DSCAM: variants seen among roughly 807,000 people sequenced by gnomAD.
DSCAM encodes cell adhesion molecule DSCAM.
Under a neutral mutation model 217.7 loss-of-function variants are expected in DSCAM, and 47 were observed. The ratio of observed to expected loss-of-function variants is 0.22; its 90% CI spans 0.17 to 0.28. DSCAM has a LOEUF of 0.28. Among genes scored for constraint, DSCAM ranks in the 10% least tolerant of loss-of-function variants. The pLI, the probability that DSCAM is intolerant of heterozygous loss-of-function variation, is 1.00. For missense variants in DSCAM, 2,080 were observed against 2,618.3 expected (o/e 0.79, Z 4.49); for synonymous variants, 1,056 against 1,015.3 (o/e 1.04, Z -0.76).
intron 32 of DSCAM, among the ~76,000 whole-genome samples, chr21:40,028,497 C>T (rs1015847222): frequency 6.6e-5 from 10 of 151,778 alleles, no homozygotes; most frequent in East Asian, 3.9e-4. Flanking sequence ...TAGCAATCAG[C>T]GAGACTCCAT....
chr21:40,504,009 A>G (rs1278343674), intron 3 of DSCAM, among the ~76,000 whole-genome samples: 1 of 152,198 alleles, frequency 6.6e-6, no homozygotes, highest in Non-Finnish European at 1.5e-5. Flanking sequence ...GGATATTTCA[A>G]AAGAGCACCA....
At chr21:40,457,473 C>T (rs1037984918) in intron 3 of DSCAM, among the ~76,000 whole-genome samples, 1 of 151,914 alleles carries the variant, frequency 6.6e-6, no homozygotes, top group Non-Finnish European at 1.5e-5. Flanking sequence ...AGTTGCACCA[C>T]GGCACCCCAG....
In DSCAM at chr21:40,042,439, G is replaced by C. The variant is rs2146477397; in HGVS notation, c.5618C>G (p.Ala1873Gly). The C allele has an allele frequency of 6.2e-7, 1 of 1,614,234 alleles. No individual in the cohort carries two copies. The highest frequency in any genetic ancestry group is 2.2e-5 in the East Asian group (1 of 44,868). ...TCCATCCTGAGGTTTGGGGGGAGAT[G>C]CAGTGAACCTGCAGATTCCCGATTC... ...PSESGICRFT[A>G]SPPKPQDGGR... Residue 1873 changes from alanine to glycine, a missense_variant, in exon 32 of 33, where the codon GCA becomes GGA. Ala to Gly is a moderately conservative substitution (Grantham distance 60). Transcript: ENST00000400454.
intron 11 of DSCAM, among the ~76,000 whole-genome samples, chr21:40,215,955 AC>A (rs1384623589): frequency 1.8e-4 from 27 of 145,976 alleles, no homozygotes; most frequent in Admixed American, 5.5e-4. Context: ...AAAAAAAAAA[AC>A]AACTTTGGTA....
At chr21:40,526,046 T>G (rs367685392) in intron 3 of DSCAM, among the ~76,000 whole-genome samples, 13 of 152,264 alleles carry the variant, frequency 8.5e-5, no homozygotes, top group African/African-American at 2.6e-4. Flanking sequence ...CTTCTTTTCT[T>G]TCCCATGTCC....
intron 18 of DSCAM, among the ~76,000 whole-genome samples, chr21:40,136,181 G>T (rs1410155908): frequency 6.6e-6 from 1 of 152,242 alleles, no homozygotes; most frequent in Non-Finnish European, 1.5e-5. Flanking sequence ...AGCATGTGTG[G>T]TCACCAGGTA....
chr21:40,039,408 A>G lies in DSCAM; in HGVS notation c.5686+2963T>C, dbSNP rs1414413267. On this transcript the variant is annotated intron_variant, in intron 32 of 32. Coordinates refer to ENST00000400454, the MANE Select transcript of DSCAM (RefSeq NM_001389.5). ...TTGTATTTATTTGACTATAATTTCT[A>G]TTAATTGAAATATTTTAACCAATTT... 3.9e-5 allele frequency among the ~76,000 whole-genome samples: 6 copies of G among 151,966 alleles called. 1 individual carries two copies. The highest frequency in any genetic ancestry group is 8.8e-5 in the Non-Finnish European group (6 of 67,914).
intron 3 of DSCAM, among the ~76,000 whole-genome samples, chr21:40,687,425 G>A (rs1458916384): frequency 6.6e-6 from 1 of 152,134 alleles, no homozygotes; most frequent in Non-Finnish European, 1.5e-5. Flanking sequence ...AAAATGCTCA[G>A]TGAGGAGCAA....
chr21:40,737,749 G>C (rs1014230851), intron 1 of DSCAM, among the ~76,000 whole-genome samples: 9 of 152,182 alleles, frequency 5.9e-5, no homozygotes, highest in African/African-American at 2.2e-4. Flanking sequence ...CAGGCAGAAA[G>C]AGCATCTCAT....
intron 3 of DSCAM, among the ~76,000 whole-genome samples, chr21:40,661,201 T>C (rs530359375): frequency 6.6e-6 from 1 of 152,322 alleles, no homozygotes; most frequent in African/African-American, 2.4e-5. Context: ...AAATACACTG[T>C]GTTAGTTTCT....
chr21:40,184,795 G>C (rs1764214570), intron 14 of DSCAM, among the ~76,000 whole-genome samples: 1 of 152,030 alleles, frequency 6.6e-6, no homozygotes, highest in African/African-American at 2.4e-5. Flanking sequence ...GAAACTCCTG[G>C]GTAAGAGTAG....
intron 24 of DSCAM, among the ~76,000 whole-genome samples, chr21:40,083,181 T>C (rs1248778830): frequency 6.6e-6 from 1 of 152,178 alleles, no homozygotes; most frequent in East Asian, 1.9e-4. Context: ...GTAATCCCAG[T>C]ACTTTGAGAG....
At chr21:40,475,893 T>C (rs754305899) in intron 3 of DSCAM, among the ~76,000 whole-genome samples, 2 of 152,110 alleles carry the variant, frequency 1.3e-5, no homozygotes, top group African/African-American at 4.8e-5. Context: ...ATTTGAGTAG[T>C]TTCAAGTTTC....
intron 3 of DSCAM, among the ~76,000 whole-genome samples, chr21:40,509,459 G>A (rs1175061200): frequency 1.3e-5 from 2 of 152,196 alleles, no homozygotes; most frequent in South Asian, 2.1e-4. Context: ...TTCACTGGGA[G>A]GAGGTGAGGG....
At chr21:40,405,507 G>A (rs12482873) in intron 3 of DSCAM, among the ~76,000 whole-genome samples, 6,948 of 152,214 alleles carry the variant, frequency 0.046, 372 homozygotes, top group Admixed American at 0.16. Context: ...TGAAATGGAT[G>A]ATATCAAACT....
intron 11 of DSCAM, among the ~76,000 whole-genome samples, chr21:40,219,696 A>T (rs1472370041): frequency 6.6e-6 from 1 of 152,164 alleles, no homozygotes; most frequent in Admixed American, 6.5e-5. Context: ...TCAGAATGTA[A>T]ATATTTGTGC....
At chr21:40,255,849 T>C (rs549153806) in intron 11 of DSCAM, among the ~76,000 whole-genome samples, 13 of 152,308 alleles carry the variant, frequency 8.5e-5, no homozygotes, top group African/African-American at 3.1e-4. Flanking sequence ...TGGAGCAGAA[T>C]TCTGCCCACA....
rs186798356 is a variant in DSCAM, at chr21:40,115,455, C to A, written c.3696+8740G>T. On this transcript the variant is annotated intron_variant, in intron 20 of 32. Transcript: ENST00000400454. ...GGGAGGAATAGCATTAGGAGATATA[C>A]CTAATGTTAAATGACTAGTTAATGG... Among the ~76,000 whole-genome samples the A allele has an allele frequency of 4.6e-3, 705 of 152,124 alleles. 6 individuals are homozygous for A. The highest frequency in any genetic ancestry group is 5.7e-3 in the Non-Finnish European group (386 of 68,020).
In DSCAM at chr21:40,144,271, G is replaced by T. The variant is rs1158695470; in HGVS notation, c.3259+220C>A. On this transcript the variant is annotated intron_variant, in intron 17 of 32. Transcript: ENST00000400454. This position sits in a 1 kb window ranked among gnomAD's most constrained non-coding sequence, Gnocchi z 4.8. The stretch of plus-strand genomic sequence containing the variant: ...ATGAATGAGGAAGAGTCTGAAAAGG[G>T]AGGGACTTGCTGGCTTTGCAGTCCA... Among the ~76,000 whole-genome samples the T allele has an allele frequency of 2.6e-5, 4 of 152,208 alleles. No homozygotes were observed.
Sources: gnomAD v4.1 joint callset for allele counts (sites outside exome capture counted in the v4.1 genomes callset) on GRCh38, gnomAD v4.1.1 for gene constraint, Gnocchi (gnomAD v3.1) non-coding constraint, MANE v1.5 for transcripts, NCBI Gene and HGNC (gene_info 2026-07-23, HGNC 2026-07-21) for gene names.